Variants in SDK1 observed in about 807,000 individuals in gnomAD.
The protein encoded by SDK1 is sidekick cell adhesion molecule 1, also known as protein sidekick-1.
In SDK1, 157 loss-of-function variants were observed where a neutral mutation model predicts 245.5. The observed-to-expected ratio is 0.64, with a 90% CI of 0.56 to 0.73. SDK1 has a LOEUF of 0.73. SDK1 is among the 30% of genes least tolerant of loss of function. The probability of loss-of-function intolerance (pLI) is 0.00; values close to 1 mark genes in which losing one functional copy is unlikely to be tolerated. For synonymous variants in SDK1, 1,647 were observed against 1,278.5 expected (o/e 1.29, Z -6.15); for missense variants, 3,583 against 3,002.3 (o/e 1.19, Z -4.52).
At chr7:4,177,256 G>C (rs1449815466) in intron 34 of SDK1, among the ~76,000 whole-genome samples, 1 of 152,164 alleles carries the variant, frequency 6.6e-6, no homozygotes, top group Non-Finnish European at 1.5e-5. Flanking sequence ...GCAGGCCCAA[G>C]CACACCACCA....
intron 5 of SDK1, among the ~76,000 whole-genome samples, chr7:3,943,464 T>A (rs995697575): frequency 6.2e-4 from 18 of 29,158 alleles, no homozygotes; most frequent in African/African-American, 2.4e-3. Flanking sequence ...CCTGGAAAGC[T>A]GTGTGCCCAG....
At chr7:4,191,751 G>A (rs1236242314) in intron 35 of SDK1, among the ~76,000 whole-genome samples, 1 of 152,234 alleles carries the variant, frequency 6.6e-6, no homozygotes, top group African/African-American at 2.4e-5. Context: ...AGCTCAGGGT[G>A]GACAGGGGGC....
intron 5 of SDK1, among the ~76,000 whole-genome samples, chr7:3,931,456 C>A (rs1484132023): frequency 6.6e-6 from 1 of 152,198 alleles, no homozygotes; most frequent in East Asian, 1.9e-4. Context: ...GGGCTTCTAT[C>A]CTAACCAACA....
intron 4 of SDK1, among the ~76,000 whole-genome samples, chr7:3,769,892 A>T (rs1780357990): frequency 6.6e-6 from 1 of 151,226 alleles, no homozygotes; most frequent in Non-Finnish European, 1.5e-5. Context: ...GCTCAGCTGA[A>T]AGTCAAACAC....
chr7:4,186,401 C>G (rs1782898025), intron 35 of SDK1, among the ~76,000 whole-genome samples: 1 of 152,208 alleles, frequency 6.6e-6, no homozygotes, highest in Non-Finnish European at 1.5e-5. Flanking sequence ...CCCAGGGTCG[C>G]TCTTTAGCCA....
chr7:3,399,209 C>CT (rs1483474917), intron 1 of SDK1, among the ~76,000 whole-genome samples: 1 of 151,866 alleles, frequency 6.6e-6, no homozygotes, highest in East Asian at 1.9e-4. Context: ...TTTGCTGGGT[C>CT]TTTTTTCTGC....
chr7:3,897,996 A>C (rs1254815910), intron 5 of SDK1, among the ~76,000 whole-genome samples: 1 of 150,788 alleles, frequency 6.6e-6, no homozygotes, highest in African/African-American at 2.4e-5. Context: ...CCATGTGTGC[A>C]CAGTACACTG....
intron 4 of SDK1, among the ~76,000 whole-genome samples, chr7:3,787,146 TCACACACACACACACACACA>T (rs34838736): frequency 1.5e-5 from 2 of 137,678 alleles, no homozygotes; most frequent in Non-Finnish European, 3.2e-5. Context: ...AGTATTGAAA[TCACACACACACACACACACA>T]CACACACACA....
intron 1 of SDK1, among the ~76,000 whole-genome samples, chr7:3,497,863 C>G (rs766445706): frequency 6.6e-6 from 1 of 152,204 alleles, no homozygotes; most frequent in Non-Finnish European, 1.5e-5. Flanking sequence ...CACTGCACAT[C>G]TTAATCCCTG....
chr7:4,005,315 G>C (rs1005821358), intron 14 of SDK1, among the ~76,000 whole-genome samples: 1 of 151,706 alleles, frequency 6.6e-6, no homozygotes, highest in African/African-American at 2.4e-5. Context: ...AAAGTGCTGG[G>C]ATTACTGCAC....
intron 4 of SDK1, among the ~76,000 whole-genome samples, chr7:3,683,848 C>T (rs1784191389): frequency 6.6e-6 from 1 of 152,158 alleles, no homozygotes; most frequent in Admixed American, 6.5e-5. Context: ...ACAAAATGCT[C>T]CAAGAACAGT....
intron 1 of SDK1, among the ~76,000 whole-genome samples, chr7:3,376,275 A>C (rs923631618): frequency 6.6e-6 from 1 of 152,200 alleles, no homozygotes; most frequent in Admixed American, 6.5e-5. Flanking sequence ...TAAGCCTGAA[A>C]AATTTTAAAC....
At chr7:3,349,072 G>T (rs112089508) in intron 1 of SDK1, among the ~76,000 whole-genome samples, 7 of 151,948 alleles carry the variant, frequency 4.6e-5, no homozygotes, top group Admixed American at 1.3e-4. Context: ...GCAGGATGTT[G>T]AAGTGCACTT....
intron 1 of SDK1, among the ~76,000 whole-genome samples, chr7:3,487,466 G>T (rs1399588131): frequency 6.6e-6 from 1 of 152,068 alleles, no homozygotes; most frequent in Non-Finnish European, 1.5e-5. Flanking sequence ...CAATGGCTGT[G>T]CATGGTGGCT....
chr7:3,399,006 C>G (rs773903589), intron 1 of SDK1, among the ~76,000 whole-genome samples: 1 of 151,986 alleles, frequency 6.6e-6, no homozygotes, highest in Admixed American at 6.6e-5. Flanking sequence ...GTGGGACTTC[C>G]GAGCTCTTTA....
intron 4 of SDK1, among the ~76,000 whole-genome samples, chr7:3,671,090 C>T (rs1015083461): frequency 1.6e-4 from 25 of 152,104 alleles, no homozygotes; most frequent in Admixed American, 7.2e-4. Flanking sequence ...GACCTCAAGG[C>T]GGGGGGTGTC....
At chr7:3,302,660 G>T (rs996843320) in intron 1 of SDK1, among the ~76,000 whole-genome samples, 4 of 144,626 alleles carry the variant, frequency 2.8e-5, no homozygotes, top group African/African-American at 1.0e-4. Context: ...CTGCCAGCTA[G>T]CATCGTTTTC....
In SDK1 at chr7:3,301,786, G is replaced by T; in HGVS notation, c.200G>T (p.Arg67Leu). 1 of 1,012,030 alleles carries T rather than the reference G, an allele frequency of 9.9e-7. No individual in the cohort carries two copies. The highest frequency in any genetic ancestry group is 1.2e-6 in the Non-Finnish European group (1 of 849,140). 62.7% of individuals were successfully genotyped at this position (1,012,030 alleles called of 1,614,324 possible). Residue 67 changes from arginine to leucine, a missense_variant, in exon 1 of 45, where the codon CGG (arginine) becomes CTG (leucine). Transcript: ENST00000404826. ...GGCGGGGACACGGCGGGCGCGGGGC[G>T]GTGCGGCGGGCGGCGGGCGGCAAAG... ...TSGGDTAGAG[R>L]CGGRRAAKLG...
chr7:3,457,468 C>G (rs1293694911), intron 1 of SDK1, among the ~76,000 whole-genome samples: 3 of 152,116 alleles, frequency 2.0e-5, no homozygotes, highest in African/African-American at 7.2e-5. Flanking sequence ...ACTTGTGGTT[C>G]AATCATAATG....
Sources: allele counts gnomAD v4.1 joint callset (sites outside exome capture counted in the v4.1 genomes callset), GRCh38; gene constraint gnomAD v4.1.1; transcripts MANE v1.5; gene names NCBI Gene and HGNC (gene_info 2026-07-23, HGNC 2026-07-21).